Variants in MCM3 observed in about 807,000 individuals in gnomAD.
The protein encoded by MCM3 is minichromosome maintenance complex component 3, also known as DNA replication licensing factor MCM3.
MCM3 carries 59 observed loss-of-function variants against 91.3 expected under a neutral mutation model. That is an observed-to-expected ratio of 0.65 (90% CI 0.52 to 0.80). The LOEUF (loss-of-function observed/expected upper bound fraction) is 0.80, where lower values mean the gene tolerates loss of function less well. Ranked by LOEUF, MCM3 falls within the 30% of genes least tolerant of loss-of-function variation. The pLI is 0.00. For synonymous variants in MCM3, 383 were observed against 379.6 expected (o/e 1.01, Z -0.10); for missense variants, 919 against 1,035.4 (o/e 0.89, Z 1.54).
At position 52,278,868 on chromosome 6, in the gene MCM3, A is replaced by C. The variant is rs775780155; in HGVS notation, c.771-18T>G. 24 of 1,553,366 alleles carry C rather than the reference A, an allele frequency of 1.5e-5. No homozygotes were observed. In the East Asian group the frequency reaches 1.6e-4, roughly 10 times the overall value. ...GGACAGTCCTGGGACAAACAGAATAAAGAGGAAACCCGTTATATTCAATTC... is the reference window on the plus strand; with the variant it reads ...GGACAGTCCTGGGACAAACAGAATACAGAGGAAACCCGTTATATTCAATTC... On this transcript the variant is annotated intron_variant, in intron 5 of 16. Coordinates refer to ENST00000596288, the MANE Select transcript of MCM3 (RefSeq NM_002388.6).
intron 7 of MCM3, 81 bp downstream of exon 7, chr6:52,277,454 G>A (rs1464896854): frequency 5.0e-6 from 7 of 1,387,226 alleles, no homozygotes; most frequent in Non-Finnish European, 6.9e-6. Context: ...GCTAAGTACA[G>A]AATATACAAT....
At chr6:52,272,250 C>A (rs772671371) in intron 12 of MCM3, 51 bp downstream of exon 12, 1 of 1,557,784 alleles carries the variant, frequency 6.4e-7, no homozygotes, top group Admixed American at 1.8e-5. Flanking sequence ...GGGACTCCTG[C>A]CCAGCCATAT....
chr6:52,268,966 G>T, intron 13 of MCM3, 120 bp downstream of exon 13: 2 of 1,097,972 alleles, frequency 1.8e-6, no homozygotes, highest in Non-Finnish European at 2.6e-6. Context: ...ATGACTGGAA[G>T]ACAAATACTG....
intron 14 of MCM3, 95 bp downstream of exon 14, chr6:52,267,770 C>T (rs1174255091): frequency 4.2e-6 from 3 of 708,918 alleles, no homozygotes; most frequent in African/African-American, 1.8e-5. Context: ...AAGTGACCCA[C>T]CCGCCTCGGC....
rs1194383088 is a variant in MCM3 at position 52,282,112 on chromosome 6, A to G, written c.464T>C (p.Ile155Thr). 3 of 1,614,082 alleles carry G rather than the reference A, an allele frequency of 1.9e-6. No homozygotes were observed. The highest frequency in any genetic ancestry group is 1.3e-5 in the African/African-American group (1 of 75,040). ...GGTGAGATCAGAATAACGTCGCTCT[A>G]TGGTCTTCTTAGTAGCAGGACAGTA... Reference protein sequence around the residue: ...VHYCPATKKTIERRYSDLTTL... With the variant: ...VHYCPATKKTTERRYSDLTTL... The change falls in exon 4 of 17, where the codon ATA (isoleucine) becomes ACA (threonine). Residue 155 changes from isoleucine to threonine, a missense_variant. Physicochemically the swap from Ile to Thr is moderately conservative, Grantham distance 89. Transcript: ENST00000596288.
Position 52,277,627 on chromosome 6 carries a change from T to C in MCM3, c.941A>G (p.Lys314Arg), listed in dbSNP as rs778523824. The change falls in exon 7 of 17, where the codon AAG becomes AGG. Residue 314 changes from lysine to arginine, a missense_variant. Physicochemically the swap from Lys to Arg is conservative, Grantham distance 26. Transcript: ENST00000596288. ...APSIHGHDYVKKAILCLLLGG... is the reference protein window; with the variant it reads ...APSIHGHDYVRKAILCLLLGG... ...CAAGAGCAAGCAGAGGATTGCTTTCTTGACATAGTCATGCCCATGGATACT... is the reference window on the plus strand; with the variant it reads ...CAAGAGCAAGCAGAGGATTGCTTTCCTGACATAGTCATGCCCATGGATACT... 6.2e-6 allele frequency: 10 copies of C among 1,613,972 alleles called. 2 individuals are homozygous for C. The highest frequency in any genetic ancestry group is 5.5e-5 in the South Asian group (5 of 91,086).
chr6:52,284,132 G>A (rs1397022866), intron 1 of MCM3, among the ~76,000 whole-genome samples: 4 of 152,132 alleles, frequency 2.6e-5, no homozygotes, highest in Non-Finnish European at 5.9e-5. Context: ...CTTTTTATCT[G>A]CATCTTAGTT....
intron 12 of MCM3, among the ~76,000 whole-genome samples, chr6:52,271,212 G>A (rs1001058960): frequency 6.6e-6 from 1 of 152,140 alleles, no homozygotes; most frequent in African/African-American, 2.4e-5. Flanking sequence ...TGAAAAGACA[G>A]AGTGGGTGAG....
At chr6:52,284,503 CGGTCTGGA>C (rs1384889639) in intron 1 of MCM3, 86 bp downstream of exon 1, 2 of 1,145,276 alleles carry the variant, frequency 1.7e-6, no homozygotes, top group Non-Finnish European at 2.4e-6. Flanking sequence ...CTGCGGCACA[CGGTCTGGA>C]GGTCTGGCGG....
chr6:52,276,392 A>G lies in MCM3; in HGVS notation c.1250T>C (p.Met417Thr). The G allele has an allele frequency of 6.2e-7, 1 of 1,614,180 alleles. No individual in the cohort carries two copies. Among genetic ancestry groups the G allele is most frequent in the African/African-American group, 1.3e-5 (1 of 75,062 alleles). Residue 417 changes from methionine to threonine, a missense_variant, in exon 9 of 17, where the codon ATG (methionine) becomes ACG (threonine). Met to Thr is a moderately conservative substitution (Grantham distance 81, BLOSUM62 -1). Coordinates refer to ENST00000596288, the MANE Select transcript of MCM3 (RefSeq NM_002388.6). Reference protein sequence around the residue: ...CIDEFDKMSDMDRTAIHEVME... With the variant: ...CIDEFDKMSDTDRTAIHEVME... ...CACTTCATGGATGGCTGTGCGATCC[A>G]TGTCAGACATTTTGTCAAATTCATC...
At chr6:52,273,612 TA>T in intron 10 of MCM3, 129 bp downstream of exon 10, 1 of 970,916 alleles carries the variant, frequency 1.0e-6, no homozygotes. Flanking sequence ...GGGAGGTGGC[TA>T]AACAGTTGAG....
intron 1 of MCM3, among the ~76,000 whole-genome samples, chr6:52,284,122 CTTT>C (rs958268244): frequency 8.5e-5 from 13 of 152,296 alleles, no homozygotes; most frequent in African/African-American, 2.4e-4. Context: ...ACACAAAACA[CTTT>C]TTATCTGCAT....
intron 6 of MCM3, 146 bp from the exon 7 acceptor site, chr6:52,277,834 C>T (rs993847101): frequency 2.4e-5 from 15 of 615,840 alleles, no homozygotes; most frequent in Admixed American, 1.0e-4. Context: ...TTTGGGAGGC[C>T]GAGGCAGGCA....
intron 5 of MCM3, 150 bp downstream of exon 5, chr6:52,279,211 A>C: frequency 1.5e-6 from 1 of 676,366 alleles, no homozygotes; most frequent in East Asian, 2.5e-5. Flanking sequence ...CTGATAGAAA[A>C]GAGGTATTGA....
rs183618362 is a variant in MCM3 at position 52,281,987 on chromosome 6, A to G, written c.531+58T>C. ...CAGATATTACACAATTCCTTGCCTT[A>G]AAACAGGTATCTTTGATTCCAACCT... On this transcript the variant is annotated intron_variant, in intron 4 of 16. Transcript: ENST00000596288. 447 of 1,579,072 alleles carry G rather than the reference A, an allele frequency of 2.8e-4. 1 individual carries two copies. The African/African-American group carries it at 4.9e-3, about 17-fold the overall frequency.
intron 6 of MCM3, 44 bp downstream of exon 6, chr6:52,278,698 T>TA: frequency 7.2e-7 from 1 of 1,385,802 alleles, no homozygotes; most frequent in East Asian, 2.3e-5. Flanking sequence ...ACACAACTCT[T>TA]AGAAATCCAT....
chr6:52,264,554 C>G lies in MCM3; in HGVS notation c.*34G>C. On this transcript the variant is annotated 3_prime_UTR_variant, in exon 17 of 17. Transcript: ENST00000596288. Reference sequence around the variant, plus strand: ...GGGTGGGAAACACAGAACAAACTCTCTCGGCACAACCCAAGTTCAGAGACG... The same window carrying G: ...GGGTGGGAAACACAGAACAAACTCTGTCGGCACAACCCAAGTTCAGAGACG... The G allele has an allele frequency of 6.2e-7, 1 of 1,612,258 alleles. No individual in the cohort carries two copies. The highest frequency in any genetic ancestry group is 1.1e-5 in the South Asian group (1 of 90,870).
intron 4 of MCM3, among the ~76,000 whole-genome samples, chr6:52,279,963 T>C (rs955619794): frequency 3.0e-4 from 45 of 152,198 alleles, no homozygotes; most frequent in African/African-American, 9.7e-4. Context: ...TTATGCCTAG[T>C]AGTCAAAAAT....
chr6:52,272,182 C>A, intron 12 of MCM3, 119 bp downstream of exon 12: 1 of 991,484 alleles, frequency 1.0e-6, no homozygotes, highest in African/African-American at 1.6e-5. Context: ...AACAGGAAGC[C>A]CTTCAGACCA....
Sources: gnomAD v4.1 joint callset for allele counts (sites outside exome capture counted in the v4.1 genomes callset) on GRCh38, gnomAD v4.1.1 for gene constraint, MANE v1.5 for transcripts, NCBI Gene and HGNC (gene_info 2026-07-23, HGNC 2026-07-21) for gene names.